Variants in KRT23 observed in about 807,000 individuals in gnomAD.
KRT23 encodes the protein keratin, type I cytoskeletal 23.
In KRT23, 38 loss-of-function variants were observed where a neutral mutation model predicts 47.6. That is an observed-to-expected ratio of 0.80 (90% CI 0.62 to 1.05). The LOEUF is 1.05. Among genes scored for constraint, KRT23 ranks in the 50% least tolerant of loss-of-function variants. KRT23 has a pLI of 0.00. For missense variants in KRT23, 503 were observed against 529.5 expected (o/e 0.95, Z 0.49); for synonymous variants, 191 against 199.0 (o/e 0.96, Z 0.34).
At chr17:40,930,540 C>T (rs556505333) in intron 3 of KRT23, among the ~76,000 whole-genome samples, 156 of 151,954 alleles carry the variant, frequency 1.0e-3, no homozygotes, top group African/African-American at 3.3e-3. Context: ...CTGAGGCGGG[C>T]GGATCACGAG....
rs974842452 is a variant in KRT23 at position 40,925,548 on chromosome 17, G to A, written c.948C>T (p.Ser316=). 1.2e-5 allele frequency: 20 copies of A among 1,613,562 alleles called. No homozygotes were observed. Among genetic ancestry groups the A allele is most frequent in the East Asian group, 2.2e-5 (1 of 44,884 alleles). Residue 316 remains serine, a synonymous_variant, in exon 7 of 9, where the codon TCC becomes TCT. Coordinates refer to ENST00000209718, the MANE Select transcript of KRT23 (RefSeq NM_015515.5). Reference sequence around the variant, plus strand: ...TGCAGGAGTACCGAGACTGGGTCTCGGATAACATGTTTTCCAAAGCAGATT... The same window carrying A: ...TGCAGGAGTACCGAGACTGGGTCTCAGATAACATGTTTTCCAAAGCAGATT... ...STKSALENML[S]ETQSRYSCKL...
Position 40,925,343 on chromosome 17 carries a change from C to CTT in KRT23, c.1142+9_1142+10dup, listed in dbSNP as rs759435375. Reference sequence around the variant, plus strand: ...CCTCGCATGCTCCTCTCGTGCCAGCCTTTGCCTTACCCTTCACTCTCTCCC... The same window carrying CTT: ...CCTCGCATGCTCCTCTCGTGCCAGCCTTTTTGCCTTACCCTTCACTCTCTCCC... On this transcript the variant is annotated intron_variant, in intron 7 of 8. Transcript: ENST00000209718. 1 of 1,611,904 alleles carries CTT rather than the reference C, an allele frequency of 6.2e-7. No individual in the cohort carries two copies. The highest frequency in any genetic ancestry group is 1.1e-5 in the South Asian group (1 of 91,004).
chr17:40,928,281 G>C lies in KRT23; in HGVS notation c.878C>G (p.Thr293Arg). Residue 293 changes from threonine to arginine, a missense_variant, in exon 6 of 9, where the codon ACA (threonine) becomes AGA (arginine). Physicochemically the swap from Thr to Arg is moderately conservative, Grantham distance 71. Transcript: ENST00000209718. Reference protein sequence around the residue: ...RQGDIHELKRTFQALEIDLQT... With the variant: ...RQGDIHELKRRFQALEIDLQT... ...CAGGTCAATCTCCAGGGCCTGGAATGTGCGCTTCAGTTCGTGGATGTCACC... is the reference window on the plus strand; with the variant it reads ...CAGGTCAATCTCCAGGGCCTGGAATCTGCGCTTCAGTTCGTGGATGTCACC... 6.2e-7 allele frequency: 1 copy of C among 1,614,172 alleles called. No homozygotes were observed. The highest frequency in any genetic ancestry group is 2.2e-5 in the East Asian group (1 of 44,886).
At chr17:40,924,607 C>G (rs914097638) in intron 7 of KRT23, 104 bp from the exon 8 acceptor site, 1 of 894,316 alleles carries the variant, frequency 1.1e-6, no homozygotes, top group Admixed American at 2.0e-5. Flanking sequence ...ATCCTCTGCT[C>G]TTTAATGAGG....
chr17:40,933,120 A>G (rs1267133210), intron 2 of KRT23, among the ~76,000 whole-genome samples: 1 of 152,250 alleles, frequency 6.6e-6, no homozygotes, highest in Non-Finnish European at 1.5e-5. Flanking sequence ...CTTTTTAAAA[A>G]TCTAGCACTT....
Position 40,928,439 on chromosome 17 carries a change from C to A in KRT23, c.798+7G>T. Reference sequence around the variant, plus strand: ...ACCTTTGGGAAGTTTGTGCATCTTTCTTTTACCTGTTCTTTATACCAAGTG... The same window carrying A: ...ACCTTTGGGAAGTTTGTGCATCTTTATTTTACCTGTTCTTTATACCAAGTG... On this transcript the variant is annotated splice_region_variant and intron_variant, in intron 5 of 8. Transcript: ENST00000209718. 6.2e-7 allele frequency: 1 copy of A among 1,614,010 alleles called. No individual in the cohort carries two copies. Among genetic ancestry groups the A allele is most frequent in the Admixed American group, 1.7e-5 (1 of 60,000 alleles).
In KRT23 at chr17:40,936,333, G is replaced by A. The variant is rs373501029; in HGVS notation, c.271C>T (p.Arg91Cys). The stretch of plus-strand genomic sequence containing the variant: ...TTCATGTTGGCCTCCTCCAGGGCGC[G>A]AACCTTCTCCAGGTAGGAGGCCAGG... ...DRLASYLEKVRALEEANMKLE... is the reference protein window; with the variant it reads ...DRLASYLEKVCALEEANMKLE... The change falls in exon 2 of 9, where the codon CGC becomes TGC. Residue 91 changes from arginine (R) to cysteine (C), a missense_variant. Physicochemically the swap from Arg to Cys is radical, Grantham distance 180. Coordinates refer to ENST00000209718, the MANE Select transcript of KRT23 (RefSeq NM_015515.5). The A allele has an allele frequency of 2.1e-5, 34 of 1,614,218 alleles. No individual in the cohort carries two copies. The highest frequency in any genetic ancestry group is 1.3e-4 in the Admixed American group (8 of 60,032).
chr17:40,928,633 G>T (rs761899965), intron 4 of KRT23, 26 bp from the exon 5 acceptor site: 21 of 1,602,816 alleles, frequency 1.3e-5, no homozygotes, highest in Non-Finnish European at 2.5e-6. Flanking sequence ...GAAAGGAAAT[G>T]AACCGGCTTT....
chr17:40,932,758 T>A (rs1039309057), intron 2 of KRT23, among the ~76,000 whole-genome samples: 2 of 152,204 alleles, frequency 1.3e-5, no homozygotes, highest in African/African-American at 4.8e-5. Flanking sequence ...AAGGCACCTT[T>A]TAAAAGTCTG....
intron 4 of KRT23, 126 bp downstream of exon 4, chr17:40,929,814 A>C (rs956574279): frequency 1.4e-6 from 1 of 712,954 alleles, no homozygotes. Flanking sequence ...TTTTCTAAAG[A>C]CTATTTAGGG....
chr17:40,925,371 C>T lies in KRT23; in HGVS notation c.1125G>A (p.Leu375=). Residue 375 remains leucine, a synonymous_variant, in exon 7 of 9, where the codon CTG becomes CTA. Coordinates refer to ENST00000209718, the MANE Select transcript of KRT23 (RefSeq NM_015515.5). ...TGCCTTACCCTTCACTCTCTCCCTC[C>T]AGGAGCCGTCGGTACGTGGTGATTT... ...EKEITTYRRL[L]EGESEGTREE... 2 of 1,613,472 alleles carry T rather than the reference C, an allele frequency of 1.2e-6. No homozygotes were observed. Among genetic ancestry groups the T allele is most frequent in the Non-Finnish European group, 1.7e-6 (2 of 1,179,982 alleles).
chr17:40,923,096 G>C lies in KRT23; in HGVS notation c.1175-13C>G. On this transcript the variant is annotated splice_polypyrimidine_tract_variant and intron_variant, in intron 8 of 8. Coordinates refer to ENST00000209718, the MANE Select transcript of KRT23 (RefSeq NM_015515.5). ...GGAGTTGCAGACACTGAGAAAAAGA[G>C]CATGGAAGATGTCACTGCCATGCTT... is the stretch of plus-strand genomic sequence containing the variant. 1 of 1,579,848 alleles carries C rather than the reference G, an allele frequency of 6.3e-7. No individual in the cohort carries two copies. The highest frequency in any genetic ancestry group is 2.2e-5 in the East Asian group (1 of 44,714).
intron 3 of KRT23, among the ~76,000 whole-genome samples, chr17:40,931,012 CTT>C (rs1165590099): frequency 9.1e-5 from 11 of 120,800 alleles, no homozygotes; most frequent in Admixed American, 9.6e-5. Context: ...ATGAGTTTTC[CTT>C]TTTTTTTTTT....
At position 40,936,150 on chromosome 17, in the gene KRT23, C is replaced by A. The variant is rs549025096; in HGVS notation, c.396+58G>T. 5.6e-6 allele frequency: 9 copies of A among 1,595,382 alleles called. No homozygotes were observed. In the Admixed American group the frequency reaches 1.5e-4, roughly 27 times the overall value. On this transcript the variant is annotated intron_variant, in intron 2 of 8. Coordinates refer to ENST00000209718, the MANE Select transcript of KRT23 (RefSeq NM_015515.5). ...TGTCTTCTGGACTCATTTTTCCTCC[C>A]GAGGGTCCCCTGGCAAAGCAGCCCC...
chr17:40,922,926 T>C lies in KRT23; in HGVS notation c.*63A>G. On this transcript the variant is annotated 3_prime_UTR_variant, in exon 9 of 9. Transcript: ENST00000209718. The stretch of plus-strand genomic sequence containing the variant: ...ATCTTTTAGAACTCACTCACTGGTG[T>C]CTGTGCAAGGACTTTCCTTGGGGGA... 1 of 1,135,336 alleles carries C rather than the reference T, an allele frequency of 8.8e-7. No individual in the cohort carries two copies. The highest frequency in any genetic ancestry group is 1.3e-5 in the South Asian group (1 of 79,768). The allele number at this position is 1,135,336 out of a possible 1,614,324, so 70.3% of individuals were successfully genotyped here.
intron 3 of KRT23, among the ~76,000 whole-genome samples, chr17:40,930,678 C>T (rs886112901): frequency 7.9e-5 from 12 of 151,886 alleles, no homozygotes; most frequent in Non-Finnish European, 1.5e-4. Flanking sequence ...GCAGGAGAAT[C>T]GCTTGAACCT....
In KRT23 at chr17:40,931,350, A is replaced by T. The variant is rs945837728; in HGVS notation, c.479+23T>A. ...AAAGCAAACAAACAAAAACCCGAACAACCCTGTGAAGAAGGAACTTACTTG... is the reference window on the plus strand; with the variant it reads ...AAAGCAAACAAACAAAAACCCGAACTACCCTGTGAAGAAGGAACTTACTTG... On this transcript the variant is annotated intron_variant, in intron 3 of 8. Transcript: ENST00000209718. 3.2e-6 allele frequency: 5 copies of T among 1,567,644 alleles called. No individual in the cohort carries two copies. The African/African-American group carries it at 6.8e-5, about 21-fold the overall frequency.
Position 40,922,851 on chromosome 17 carries a change from T to G in KRT23, c.*138A>C, listed in dbSNP as rs1013719572. 1.6e-6 allele frequency: 1 copy of G among 631,302 alleles called. No homozygotes were observed. The highest frequency in any genetic ancestry group is 2.8e-6 in the Non-Finnish European group (1 of 357,028). The allele number at this position is 631,302 out of a possible 1,614,324, so 39.1% of individuals were successfully genotyped here. A position where few individuals can be genotyped will look rare whatever the true frequency, so the allele number is the denominator to read the frequency against. On this transcript the variant is annotated 3_prime_UTR_variant, in exon 9 of 9. Transcript: ENST00000209718. ...AGCATTATGAGAAGTCTGGTGAGAC[T>G]GTTACAGAAAAAAAAAATAAAAGTT... is the stretch of plus-strand genomic sequence containing the variant.
chr17:40,926,017 C>CA lies in KRT23; in HGVS notation c.922-444dup, dbSNP rs144356105. 8.6e-5 allele frequency among the ~76,000 whole-genome samples: 13 copies of CA among 150,858 alleles called. No homozygotes were observed. The South Asian group carries it at 1.3e-3, about 15-fold the overall frequency. On this transcript the variant is annotated intron_variant, in intron 6 of 8. Coordinates refer to ENST00000209718, the MANE Select transcript of KRT23 (RefSeq NM_015515.5). ...TTGCTCCAGTATTGCATGGGACATGCAAAAAAAATTGCTTTTTATTTGAAA... is the reference window on the plus strand; with the variant it reads ...TTGCTCCAGTATTGCATGGGACATGCAAAAAAAAATTGCTTTTTATTTGAAA...
Sources: gnomAD v4.1 joint callset for allele counts (sites outside exome capture counted in the v4.1 genomes callset) on GRCh38, gnomAD v4.1.1 for gene constraint, MANE v1.5 for transcripts, NCBI Gene and HGNC (gene_info 2026-07-23, HGNC 2026-07-21) for gene names.